Variants in CDH23 observed in about 807,000 individuals in gnomAD.
CDH23 encodes cadherin-23.
A neutral mutation model predicts 317.1 loss-of-function variants in CDH23; 189 were observed. The observed-to-expected ratio is 0.60, with a 90% CI of 0.53 to 0.67. CDH23 has a LOEUF of 0.67. Ranked by LOEUF, CDH23 falls within the 30% of genes least tolerant of loss-of-function variation. The pLI is 0.00. For missense variants in CDH23, 4,401 were observed against 4,592.4 expected (o/e 0.96, Z 1.20); for synonymous variants, 1,839 against 1,876.8 (o/e 0.98, Z 0.52).
At chr10:71,426,220 G>A (rs1849071910) in intron 1 of CDH23, among the ~76,000 whole-genome samples, 1 of 152,194 alleles carries the variant, frequency 6.6e-6, no homozygotes, top group South Asian at 2.1e-4. Flanking sequence ...TGGGAGCAGT[G>A]ATGGGGTCAG....
At chr10:71,500,172 C>G (rs1293780471) in intron 3 of CDH23, among the ~76,000 whole-genome samples, 2 of 152,086 alleles carry the variant, frequency 1.3e-5, no homozygotes, top group Non-Finnish European at 2.9e-5. Context: ...GATGGATATC[C>G]TAAATACTGT....
At chr10:71,586,658 C>A (rs1318298183) in intron 9 of CDH23, among the ~76,000 whole-genome samples, 5 of 152,182 alleles carry the variant, frequency 3.3e-5, no homozygotes, top group African/African-American at 1.2e-4. Flanking sequence ...CCTCCTCTAC[C>A]CCATTCCCTG....
intron 40 of CDH23, 143 bp from the exon 41 acceptor site, chr10:71,779,124 C>T (rs887846858): frequency 4.1e-6 from 3 of 734,646 alleles, no homozygotes; most frequent in Non-Finnish European, 7.1e-6. Context: ...CTTAAAAGCC[C>T]CACCCATATC....
intron 28 of CDH23, chr10:71,716,535 GTGATGGAGCTGGGCCCAA>G: frequency 2.0e-6 from 1 of 492,420 alleles, no homozygotes; most frequent in Non-Finnish European, 3.5e-6. Context: ...CAGCTGAGCA[GTGATGGAGCTGGGCCCAA>G]GCTCAGGCCC....
At chr10:71,807,033 A>G (rs1046648921) in intron 57 of CDH23, among the ~76,000 whole-genome samples, 8 of 152,210 alleles carry the variant, frequency 5.3e-5, no homozygotes, top group African/African-American at 9.6e-5. Flanking sequence ...ATATAAGAGT[A>G]ACGTGTGTGC....
intron 6 of CDH23, among the ~76,000 whole-genome samples, chr10:71,559,898 G>T (rs1324113508): frequency 6.6e-6 from 1 of 152,222 alleles, no homozygotes; most frequent in Non-Finnish European, 1.5e-5. Context: ...GTACACATGG[G>T]TTTATGCACA....
intron 2 of CDH23, 110 bp from the exon 3 acceptor site, chr10:71,446,208 C>A: frequency 1.9e-6 from 2 of 1,039,656 alleles, no homozygotes; most frequent in Non-Finnish European, 1.5e-6. Context: ...TTGACCATGG[C>A]CATGGACACA....
intron 6 of CDH23, among the ~76,000 whole-genome samples, chr10:71,518,834 C>T (rs1022098471): frequency 1.3e-5 from 2 of 152,224 alleles, no homozygotes; most frequent in Non-Finnish European, 2.9e-5. Flanking sequence ...AGCCCAGCCA[C>T]ACACTCAGAA....
rs749653255 is a variant in CDH23 at position 71,734,676 on chromosome 10, G to C, written c.4209+18G>C. On this transcript the variant is annotated intron_variant, in intron 34 of 69. Coordinates refer to ENST00000224721, the MANE Select transcript of CDH23 (RefSeq NM_022124.6). Reference sequence around the variant, plus strand: ...TACAGAAGGTGAGTAGCCTGTGGCTGGAGCTTCCCCTGTGCTGTTGGCTGT... The same window carrying C: ...TACAGAAGGTGAGTAGCCTGTGGCTCGAGCTTCCCCTGTGCTGTTGGCTGT... 2 of 1,407,466 alleles carry C rather than the reference G, an allele frequency of 1.4e-6. No homozygotes were observed. Among genetic ancestry groups the C allele is most frequent in the Non-Finnish European group, 1.9e-6 (2 of 1,040,664 alleles). The allele number at this position is 1,407,466 out of a possible 1,614,324, so 87.2% of individuals were successfully genotyped here.
intron 38 of CDH23, among the ~76,000 whole-genome samples, chr10:71,743,123 G>A (rs1301394280): frequency 6.6e-6 from 1 of 152,112 alleles, no homozygotes; most frequent in Non-Finnish European, 1.5e-5. Flanking sequence ...ACAATCTGTT[G>A]GCCAAAGCAA....
In CDH23 at chr10:71,502,058, CT is replaced by C. The variant is rs1443831780; in HGVS notation, c.146-8022del. ...AGGCGGCCCTCTCCCGGCCAGGACCCTTGCTTCCCTCTCTGCAAAATGAGAA... is the reference window on the plus strand; with the variant it reads ...AGGCGGCCCTCTCCCGGCCAGGACCCTGCTTCCCTCTCTGCAAAATGAGAA... On this transcript the variant is annotated intron_variant, in intron 3 of 69. Coordinates refer to ENST00000224721, the MANE Select transcript of CDH23 (RefSeq NM_022124.6). Among the ~76,000 whole-genome samples the C allele has an allele frequency of 3.9e-5, 6 of 152,352 alleles. No individual in the cohort carries two copies. In the East Asian group the frequency reaches 1.2e-3, roughly 29 times the overall value.
At chr10:71,536,344 G>A (rs1485893662) in intron 6 of CDH23, among the ~76,000 whole-genome samples, 1 of 152,238 alleles carries the variant, frequency 6.6e-6, no homozygotes, top group Non-Finnish European at 1.5e-5. Context: ...ACTGGGGCTA[G>A]TGAGGAGGAG....
rs2132695087 is a variant in CDH23 at position 71,687,736 on chromosome 10, G to A, written c.2059+17G>A. ...TCATGGCAGGTACAGGCTCAGGTCG[G>A]GGGGTGGGGGGCACATGGAGGTAGG... On this transcript the variant is annotated intron_variant, in intron 19 of 69. Transcript: ENST00000224721. The A allele has an allele frequency of 2.5e-6, 4 of 1,611,968 alleles. 1 individual carries two copies. The highest frequency in any genetic ancestry group is 2.2e-5 in the South Asian group (2 of 90,852).
intron 3 of CDH23, among the ~76,000 whole-genome samples, chr10:71,454,399 T>C (rs1412388611): frequency 6.6e-6 from 1 of 152,262 alleles, no homozygotes; most frequent in Non-Finnish European, 1.5e-5. Flanking sequence ...AACTTTAATG[T>C]GTCAGACAAG....
At chr10:71,730,441 C>A (rs142406644) in intron 30 of CDH23, 28 bp from the exon 31 acceptor site, 1 of 1,611,394 alleles carries the variant, frequency 6.2e-7, no homozygotes, top group Non-Finnish European at 8.5e-7. Context: ...CCCACCCTGA[C>A]CTTGCACCCC....
chr10:71,704,875 C>T, intron 24 of CDH23, 36 bp from the exon 25 acceptor site: 1 of 1,519,746 alleles, frequency 6.6e-7, no homozygotes, highest in Non-Finnish European at 9.1e-7. Flanking sequence ...CCCAGTGTCC[C>T]CTCCCCACCC....
intron 33 of CDH23, 146 bp from the exon 34 acceptor site, chr10:71,734,510 T>A (rs373618194): frequency 7.6e-6 from 12 of 1,583,928 alleles, no homozygotes; most frequent in Non-Finnish European, 1.0e-5. Context: ...CCCAGCAGGT[T>A]GGGCTAGGAT....
At position 71,770,539 on chromosome 10, in the gene CDH23, C is replaced by T. The variant is rs551740534; in HGVS notation, c.4846-7141C>T. Among the ~76,000 whole-genome samples the T allele has an allele frequency of 7.9e-5, 12 of 152,332 alleles. No individual in the cohort carries two copies. The South Asian group carries it at 2.5e-3, about 32-fold the overall frequency. The stretch of plus-strand genomic sequence containing the variant: ...GGCCACTGGAAGCCACAGTGCTGAT[C>T]CCTGGCCCACCCTCCCCTGGGAGAC... On this transcript the variant is annotated intron_variant, in intron 38 of 69. Coordinates refer to ENST00000224721, the MANE Select transcript of CDH23 (RefSeq NM_022124.6).
In CDH23 at chr10:71,800,678, G is replaced by GACC; in HGVS notation, c.7408_7410dup (p.His2470dup). ...GTCTTCTCTGGACCGGGAGAAGAAG[G>GACC]ACCACTATATCCTGACTGCCTTGGC... On this transcript the variant is annotated inframe_insertion, in exon 53 of 70. Transcript: ENST00000224721. 1 of 1,612,036 alleles carries GACC rather than the reference G, an allele frequency of 6.2e-7. No individual in the cohort carries two copies. Among genetic ancestry groups the GACC allele is most frequent in the Non-Finnish European group, 8.5e-7 (1 of 1,178,196 alleles).
Sources: gnomAD v4.1 joint callset for allele counts (sites outside exome capture counted in the v4.1 genomes callset) on GRCh38, gnomAD v4.1.1 for gene constraint, MANE v1.5 for transcripts, NCBI Gene and HGNC (gene_info 2026-07-23, HGNC 2026-07-21) for gene names.